ALKBH3: variants seen among roughly 807,000 people sequenced by gnomAD.
ALKBH3 encodes the protein alkB homolog 3, alpha-ketoglutarate dependent dioxygenase, also known as alpha-ketoglutarate-dependent dioxygenase alkB homolog 3.
A neutral mutation model predicts 43.9 loss-of-function variants in ALKBH3; 51 were observed. The observed-to-expected ratio is 1.16, with a 90% CI of 0.93 to 1.47. The LOEUF (loss-of-function observed/expected upper bound fraction) is 1.47, where lower values mean the gene tolerates loss of function less well. Among genes scored for constraint, ALKBH3 ranks in the 40% most tolerant of loss-of-function variants. The pLI is 0.00. For missense variants in ALKBH3, 361 were observed against 351.9 expected (o/e 1.03, Z -0.21); for synonymous variants, 102 against 115.2 (o/e 0.89, Z 0.73).
intron 8 of ALKBH3, among the ~76,000 whole-genome samples, chr11:43,917,474 T>C (rs558616538): frequency 6.6e-6 from 1 of 152,338 alleles, no homozygotes; most frequent in South Asian, 2.1e-4. Context: ...TTGCACTCTC[T>C]GATTATGTAG....
chr11:43,882,928 C>A, intron 2 of ALKBH3, 157 bp from the exon 3 acceptor site: 2 of 809,460 alleles, frequency 2.5e-6, no homozygotes, highest in Non-Finnish European at 3.9e-6. Flanking sequence ...ATTTAGTCCA[C>A]ACCCTCAAAC....
chr11:43,908,278 TTGAA>T (rs1951910439), intron 8 of ALKBH3, among the ~76,000 whole-genome samples: 1 of 152,186 alleles, frequency 6.6e-6, no homozygotes, highest in Admixed American at 6.5e-5. Context: ...TTGCTCATCT[TTGAA>T]TGGGAAATCC....
chr11:43,899,364 C>A, intron 7 of ALKBH3: 2 of 700,592 alleles, frequency 2.9e-6, no homozygotes, highest in Non-Finnish European at 5.4e-6. Context: ...AGCAGCCTGC[C>A]CCAGGTGGAT....
intron 7 of ALKBH3, among the ~76,000 whole-genome samples, chr11:43,895,633 G>T (rs187410907): frequency 6.6e-6 from 1 of 152,282 alleles, no homozygotes. Context: ...CCTGGAGAGG[G>T]TTCATGAAAC....
chr11:43,898,474 A>G (rs980112144), intron 7 of ALKBH3: 3 of 940,466 alleles, frequency 3.2e-6, no homozygotes, highest in African/African-American at 3.2e-5. Flanking sequence ...GCTGGGGCAG[A>G]TGGACACCAA....
At chr11:43,918,940 C>T (rs2135210630) in intron 8 of ALKBH3, 98 bp from the exon 9 acceptor site, 1 of 915,342 alleles carries the variant, frequency 1.1e-6, no homozygotes, top group South Asian at 1.5e-5. Flanking sequence ...CACAGTCTGG[C>T]TGAGCAGAGG....
At chr11:43,890,932 C>A (rs1590368427) in intron 6 of ALKBH3, among the ~76,000 whole-genome samples, 1 of 152,148 alleles carries the variant, frequency 6.6e-6, no homozygotes, top group East Asian at 1.9e-4. Context: ...TCCTTTAAAT[C>A]ATCTCTAGAT....
chr11:43,891,806 C>T (rs995782924), intron 6 of ALKBH3, among the ~76,000 whole-genome samples: 11 of 152,196 alleles, frequency 7.2e-5, no homozygotes, highest in African/African-American at 2.4e-4. Flanking sequence ...GCAAGTCACC[C>T]ACATTCTCAT....
At position 43,915,035 on chromosome 11, in the gene ALKBH3, A is replaced by G. The variant is rs546531153; in HGVS notation, c.670-4003A>G. ...AGCCTGGCCAACATGGTGAAACCCT[A>G]TCTCTACTAAAAATAAAAAAAAATT... On this transcript the variant is annotated intron_variant, in intron 8 of 9. Coordinates refer to ENST00000302708, the MANE Select transcript of ALKBH3 (RefSeq NM_139178.4). 1.1e-4 allele frequency among the ~76,000 whole-genome samples: 16 copies of G among 151,808 alleles called. No homozygotes were observed. In the East Asian group the frequency reaches 2.9e-3, roughly 28 times the overall value.
intron 2 of ALKBH3, 40 bp downstream of exon 2, chr11:43,882,771 A>G (rs745742214): frequency 1.9e-6 from 3 of 1,558,736 alleles, no homozygotes; most frequent in Non-Finnish European, 2.6e-6. Flanking sequence ...GTGGATATGG[A>G]CAACTCTCAT....
At chr11:43,913,411 T>C (rs894020501) in intron 8 of ALKBH3, among the ~76,000 whole-genome samples, 1 of 152,206 alleles carries the variant, frequency 6.6e-6, no homozygotes, top group Non-Finnish European at 1.5e-5. Context: ...TATACTATTA[T>C]TTAAGTGATA....
intron 8 of ALKBH3, chr11:43,916,957 C>T (rs1400074483): frequency 6.6e-6 from 1 of 152,184 alleles, no homozygotes; most frequent in Non-Finnish European, 1.5e-5. Flanking sequence ...AGTCAAAGAT[C>T]TTAGAAGGAA....
chr11:43,918,935 T>C, intron 8 of ALKBH3, 103 bp from the exon 9 acceptor site: 1 of 858,614 alleles, frequency 1.2e-6, no homozygotes, highest in Middle Eastern at 3.3e-4. Flanking sequence ...ATTCCCACAG[T>C]CTGGCTGAGC....
chr11:43,886,618 G>A lies in ALKBH3; in HGVS notation c.231G>A (p.Val77=), dbSNP rs775222828. The A allele has an allele frequency of 2.5e-6, 4 of 1,614,120 alleles. No homozygotes were observed. Among genetic ancestry groups the A allele is most frequent in the African/African-American group, 1.3e-5 (1 of 75,022 alleles). Residue 77 remains valine (V), a synonymous_variant, in exon 5 of 10, where the codon GTG becomes GTA. Coordinates refer to ENST00000302708, the MANE Select transcript of ALKBH3 (RefSeq NM_139178.4). ...TTTGTTTCTTTAGCAGAGAGGGTGTGTATGAAATCAGCCTGTCACCCACAG... is the reference window on the plus strand; with the variant it reads ...TTTGTTTCTTTAGCAGAGAGGGTGTATATGAAATCAGCCTGTCACCCACAG... ...PEPRVIDREG[V]YEISLSPTGV... is the part of the protein sequence containing the mutation.
At chr11:43,888,649 T>C (rs1002898224) in intron 5 of ALKBH3, among the ~76,000 whole-genome samples, 4 of 152,338 alleles carry the variant, frequency 2.6e-5, no homozygotes, top group African/African-American at 4.8e-5. Flanking sequence ...GGAACTGTTA[T>C]TTTAAAGCAA....
At chr11:43,915,157 G>A (rs935106595) in intron 8 of ALKBH3, among the ~76,000 whole-genome samples, 12 of 149,132 alleles carry the variant, frequency 8.0e-5, no homozygotes, top group African/African-American at 2.7e-4. Context: ...GCAGTGAGCC[G>A]AGATCACACC....
chr11:43,899,648 T>C, intron 7 of ALKBH3: 1 of 463,014 alleles, frequency 2.2e-6, no homozygotes, highest in Non-Finnish European at 4.0e-6. Context: ...AGCAGAGACA[T>C]TGTATGGACT....
chr11:43,914,384 T>A (rs1333871797), intron 8 of ALKBH3, among the ~76,000 whole-genome samples: 1 of 152,198 alleles, frequency 6.6e-6, no homozygotes, highest in African/African-American at 2.4e-5. Flanking sequence ...GAGTGCCTGA[T>A]GTGCCTGGCA....
chr11:43,901,755 C>T, intron 8 of ALKBH3, 30 bp downstream of exon 8: 2 of 1,608,762 alleles, frequency 1.2e-6, no homozygotes, highest in Middle Eastern at 1.7e-4. Context: ...TATGCTCTTC[C>T]TGCCTCTTAT....
Sources: allele counts gnomAD v4.1 joint callset (sites outside exome capture counted in the v4.1 genomes callset), GRCh38; gene constraint gnomAD v4.1.1; transcripts MANE v1.5; gene names NCBI Gene and HGNC (gene_info 2026-07-23, HGNC 2026-07-21).